The following ADGRL2 variants were observed in gnomAD, a reference collection of about 807,000 sequenced individuals.
The protein encoded by ADGRL2 is adhesion G protein-coupled receptor L2.
A neutral mutation model predicts 157.4 loss-of-function variants in ADGRL2; 44 were observed. The observed-to-expected ratio is 0.28, with a 90% confidence interval of 0.22 to 0.36. The LOEUF is 0.36. ADGRL2 is among the 10% of genes least tolerant of loss of function. The probability of loss-of-function intolerance (pLI) is 1.00; values close to 1 mark genes in which losing one functional copy is unlikely to be tolerated. For synonymous variants in ADGRL2, 585 were observed against 624.7 expected (o/e 0.94, Z 0.95); for missense variants, 1,510 against 1,768.9 (o/e 0.85, Z 2.63).
chr1:81,946,579 G>T (rs1188523760), intron 6 of ADGRL2, among the ~76,000 whole-genome samples: 1 of 152,030 alleles, frequency 6.6e-6, no homozygotes, highest in African/African-American at 2.4e-5. Context: ...AGAAAATGAT[G>T]TGTTTTTACT....
chr1:81,377,609 T>C (rs904513634), intron 1 of ADGRL2, among the ~76,000 whole-genome samples: 3 of 151,926 alleles, frequency 2.0e-5, no homozygotes, highest in African/African-American at 7.3e-5. Context: ...CCTGCAGGGG[T>C]CATGATACGC....
At chr1:81,580,473 G>C (rs1188655217) in intron 2 of ADGRL2, among the ~76,000 whole-genome samples, 1 of 152,046 alleles carries the variant, frequency 6.6e-6, no homozygotes, top group Admixed American at 6.6e-5. Flanking sequence ...TGGGTGCCCA[G>C]TTTTTGAACA....
intron 2 of ADGRL2, among the ~76,000 whole-genome samples, chr1:81,792,814 T>C (rs1218837853): frequency 1.3e-5 from 2 of 152,120 alleles, no homozygotes; most frequent in Non-Finnish European, 2.9e-5. Context: ...TGAAGTATAA[T>C]TCACCAAAGG....
At chr1:81,347,144 A>T (rs1476559364) in intron 1 of ADGRL2, among the ~76,000 whole-genome samples, 2 of 152,168 alleles carry the variant, frequency 1.3e-5, no homozygotes, top group African/African-American at 4.8e-5. Flanking sequence ...CATGCCTGTA[A>T]TCTCAGCACT....
chr1:81,536,302 T>TG (rs928343718), intron 2 of ADGRL2, among the ~76,000 whole-genome samples: 1 of 122,792 alleles, frequency 8.1e-6, no homozygotes, highest in African/African-American at 2.6e-5. Flanking sequence ...ATTTTACTGG[T>TG]TTTTTTTAAG....
chr1:81,872,341 G>A (rs1468663802), intron 2 of ADGRL2, among the ~76,000 whole-genome samples: 2 of 152,156 alleles, frequency 1.3e-5, no homozygotes, highest in Non-Finnish European at 2.9e-5. Context: ...TAGCCTTGTA[G>A]TGTGGTTTGA....
chr1:81,486,318 A>G (rs1270077550), intron 2 of ADGRL2, among the ~76,000 whole-genome samples: 1 of 152,146 alleles, frequency 6.6e-6, no homozygotes, highest in Non-Finnish European at 1.5e-5. Context: ...AGCTATTTTC[A>G]TCTTTCTATT....
At chr1:81,617,020 C>A (rs1388890536) in intron 3 of ADGRL2, among the ~76,000 whole-genome samples, 1 of 152,164 alleles carries the variant, frequency 6.6e-6, no homozygotes, top group South Asian at 2.1e-4. Flanking sequence ...CTTCCATGGG[C>A]AAGTTCATTG....
chr1:81,442,296 G>A lies in ADGRL2; in HGVS notation c.-301-2740G>A, dbSNP rs1408524205. The stretch of plus-strand genomic sequence containing the variant: ...TCAATTACCTTTGTTTCCTTAAAAC[G>A]GACACAGTTAGATAGCCAATGTTAA... On this transcript the variant is annotated intron_variant, in intron 1 of 24. Coordinates refer to the ADGRL2 transcript ENST00000370721. Among the ~76,000 whole-genome samples the A allele has an allele frequency of 6.6e-5, 10 of 152,226 alleles. No homozygotes were observed. The South Asian group carries it at 1.5e-3, about 22-fold the overall frequency.
chr1:81,610,747 A>G (rs904684483), intron 3 of ADGRL2, among the ~76,000 whole-genome samples: 25 of 152,150 alleles, frequency 1.6e-4, no homozygotes, highest in African/African-American at 6.0e-4. Context: ...GTGGAAATAA[A>G]TGAACAAAAC....
intron 17 of ADGRL2, among the ~76,000 whole-genome samples, chr1:81,972,493 T>G (rs1055723001): frequency 6.6e-6 from 1 of 152,154 alleles, no homozygotes; most frequent in South Asian, 2.1e-4. Flanking sequence ...TTAAATGAAT[T>G]TGATGCAAGT....
At chr1:81,885,561 C>T (rs1206619302) in intron 2 of ADGRL2, among the ~76,000 whole-genome samples, 1 of 152,136 alleles carries the variant, frequency 6.6e-6, no homozygotes, top group Non-Finnish European at 1.5e-5. Context: ...TTTGTATCGT[C>T]GCATGGCCCT....
intron 2 of ADGRL2, among the ~76,000 whole-genome samples, chr1:81,551,437 C>G (rs2080143294): frequency 6.6e-6 from 1 of 152,138 alleles, no homozygotes; most frequent in South Asian, 2.1e-4. Context: ...TGAATGTTAG[C>G]TGTCAAGTGA....
chr1:81,907,143 C>T lies in ADGRL2; in HGVS notation c.200C>T (p.Thr67Met), dbSNP rs1325228176. The T allele has an allele frequency of 4.3e-6, 7 of 1,613,904 alleles. No individual in the cohort carries two copies. Among genetic ancestry groups the T allele is most frequent in the African/African-American group, 4.0e-5 (3 of 74,898 alleles). The change falls in exon 3 of 24, where the codon ACG becomes ATG. Residue 67 changes from threonine (T) to methionine (M), a missense_variant. Thr to Met is a moderately conservative substitution (Grantham distance 81). Transcript: ENST00000686636. ...ATTGAGAGCGCTAACTATGGTCGGACGGATGACAAGATTTGTGATGCTGAC... is the reference window on the plus strand; with the variant it reads ...ATTGAGAGCGCTAACTATGGTCGGATGGATGACAAGATTTGTGATGCTGAC... ...IMIESANYGR[T>M]DDKICDADPF...
At chr1:81,621,846 G>A (rs1476552099) in intron 3 of ADGRL2, among the ~76,000 whole-genome samples, 4 of 138,560 alleles carry the variant, frequency 2.9e-5, no homozygotes, top group Admixed American at 7.2e-5. Flanking sequence ...ACAAATGGAG[G>A]GGCAAAGTCA....
At chr1:81,714,814 CT>C (rs1008063190) in intron 1 of ADGRL2, among the ~76,000 whole-genome samples, 16 of 151,322 alleles carry the variant, frequency 1.1e-4, no homozygotes, top group African/African-American at 3.6e-4. Flanking sequence ...CAGGTAGTCA[CT>C]CCACATTGAT....
intron 1 of ADGRL2, among the ~76,000 whole-genome samples, chr1:81,828,293 G>A (rs2091667689): frequency 1.3e-5 from 2 of 152,152 alleles, no homozygotes; most frequent in Admixed American, 6.5e-5. Context: ...TGATCTGACT[G>A]TCTCAATCTG....
At chr1:81,677,817 T>G (rs2083027578) in intron 3 of ADGRL2, among the ~76,000 whole-genome samples, 1 of 152,166 alleles carries the variant, frequency 6.6e-6, no homozygotes, top group African/African-American at 2.4e-5. Flanking sequence ...GTTTAAAACT[T>G]TCGATGCCTT....
At chr1:81,844,720 G>A (rs555001839) in intron 2 of ADGRL2, among the ~76,000 whole-genome samples, 42 of 152,254 alleles carry the variant, frequency 2.8e-4, no homozygotes, top group South Asian at 1.0e-3. Flanking sequence ...AGTGATTCCA[G>A]GAGAATACCT....
Sources: gnomAD v4.1 joint callset for allele counts (sites outside exome capture counted in the v4.1 genomes callset) on GRCh38, gnomAD v4.1.1 for gene constraint, MANE v1.5 for transcripts, NCBI Gene and HGNC (gene_info 2026-07-23, HGNC 2026-07-21) for gene names.